The following CCAR2 variants were observed in gnomAD, a reference collection of about 807,000 sequenced individuals.
CCAR2 encodes the protein cell cycle and apoptosis regulator protein 2.
A neutral mutation model predicts 108.1 loss-of-function variants in CCAR2; 21 were observed. The observed-to-expected ratio is 0.19, with a 90% CI of 0.14 to 0.28. The LOEUF is 0.28. Ranked by LOEUF, CCAR2 falls within the 10% of genes least tolerant of loss-of-function variation. CCAR2 has a pLI of 1.00. For synonymous variants in CCAR2, 577 were observed against 472.8 expected, an observed-to-expected ratio of 1.22 and a Z score of -2.86; for missense variants, 1,126 against 1,177.0, an observed-to-expected ratio of 0.96 and a Z score of 0.63.
At chr8:22,616,896 TGGGGAGA>T (rs1801541124) in intron 14 of CCAR2, among the ~76,000 whole-genome samples, 6 of 33,050 alleles carry the variant, frequency 1.8e-4, no homozygotes, top group South Asian at 1.4e-3. Context: ...TTTTTTTTTT[TGGGGAGA>T]TGGAGTCTTG....
chr8:22,621,391 G>GT (rs763306549), downstream of CCAR2: 2 of 1,601,322 alleles, frequency 1.2e-6, no homozygotes, highest in Admixed American at 1.7e-5. Flanking sequence ...GGCTGACCAC[G>GT]TCACAGGAGT....
chr8:22,607,592 C>T (rs1268512093), intron 6 of CCAR2, among the ~76,000 whole-genome samples: 1 of 151,234 alleles, frequency 6.6e-6, no homozygotes, highest in East Asian at 1.9e-4. Context: ...CTCAGCTTCC[C>T]CCGTAGCTGG....
intron 7 of CCAR2, among the ~76,000 whole-genome samples, chr8:22,611,360 CAAAAA>C (rs533441943): frequency 3.0e-5 from 3 of 99,758 alleles, no homozygotes; most frequent in Admixed American, 1.1e-4. Flanking sequence ...GACTCTGTCT[CAAAAA>C]AAAAAAAAAA....
At chr8:22,608,855 CTTA>C (rs1233058135) in intron 7 of CCAR2, among the ~76,000 whole-genome samples, 1 of 152,126 alleles carries the variant, frequency 6.6e-6, no homozygotes, top group Non-Finnish European at 1.5e-5. Flanking sequence ...TGTGAGGAAC[CTTA>C]TTATACCCAT....
In CCAR2 at chr8:22,615,823, C is replaced by T; in HGVS notation, c.1519C>T (p.Pro507Ser). The change falls in exon 13 of 21, where the codon CCT becomes TCT. Residue 507 changes from proline to serine, a missense_variant. By Grantham distance (74) the Pro-to-Ser change is moderately conservative (BLOSUM62 -1). This residue lies in a region of CCAR2 where 1,013 missense variants were observed against 993.9 expected (regional missense o/e 1.02). Transcript: ENST00000308511. The part of the protein sequence containing the change: ...LPEAPPPPLE[P>S]AVIARPGCVN... ...AGAGGCCCCTCCACCCCCCCTAGAA[C>T]CTGCTGTCATCGCACGCCCTGGCTG... 2 of 1,614,036 alleles carry T rather than the reference C, an allele frequency of 1.2e-6. No individual in the cohort carries two copies. Among genetic ancestry groups the T allele is most frequent in the Admixed American group, 1.7e-5 (1 of 60,030 alleles).
chr8:22,605,678 C>G, intron 1 of CCAR2, 58 bp from the exon 2 acceptor site: 1 of 1,021,644 alleles, frequency 9.8e-7, no homozygotes, highest in Non-Finnish European at 1.5e-6. Flanking sequence ...TCCACTTTTC[C>G]GGGTATAGAT....
At position 22,612,784 on chromosome 8, in the gene CCAR2, C is replaced by T. The variant is rs186726768; in HGVS notation, c.585-233C>T. The T allele has an allele frequency of 1.1e-5, 4 of 354,718 alleles. No individual in the cohort carries two copies. The South Asian group carries it at 3.6e-4, about 32-fold the overall frequency. The allele number at this position is 354,718 out of a possible 1,614,324, so 22.0% of individuals were successfully genotyped here. On this transcript the variant is annotated intron_variant, in intron 7 of 20. Transcript: ENST00000308511. ...TTGTTTTTGCAGTAGCTGAGGCCTA[C>T]TGTGTATACAATGTTGCAGAGTGTG... is the stretch of plus-strand genomic sequence containing the variant.
At chr8:22,614,535 C>T (rs2117447231) in intron 10 of CCAR2, 32 bp downstream of exon 10, 3 of 1,566,516 alleles carry the variant, frequency 1.9e-6, no homozygotes, top group Middle Eastern at 1.7e-4. Context: ...GAGATGCATT[C>T]ACGGGTAATG....
chr8:22,617,322 C>A, intron 14 of CCAR2, 98 bp from the exon 15 acceptor site: 1 of 1,391,678 alleles, frequency 7.2e-7, no homozygotes, highest in Non-Finnish European at 9.7e-7. Flanking sequence ...CCATACAGTG[C>A]CTGGGGCATA....
Position 22,619,886 on chromosome 8 carries a change from C to CACTT in CCAR2, c.*206_*209dup, listed in dbSNP as rs1388168224. On this transcript the variant is annotated 3_prime_UTR_variant, in exon 21 of 21. Coordinates refer to ENST00000308511, the MANE Select transcript of CCAR2 (RefSeq NM_001393997.1). ...ATGGATGTGTGAGGAACCCCGGTTC[C>CACTT]ACTTAACAACTAAATACAACATCTT... 1.0e-5 allele frequency: 6 copies of CACTT among 593,000 alleles called. No homozygotes were observed. The highest frequency in any genetic ancestry group is 1.9e-5 in the African/African-American group (1 of 53,762). The allele number at this position is 593,000 out of a possible 1,614,324, so 36.7% of individuals were successfully genotyped here.
In CCAR2 at chr8:22,607,463, T is replaced by G; in HGVS notation, c.487+138T>G. 6 of 885,920 alleles carry G rather than the reference T, an allele frequency of 6.8e-6. No individual in the cohort carries two copies. In the South Asian group the frequency reaches 1.2e-4, roughly 18 times the overall value. 54.9% of individuals were successfully genotyped at this position (885,920 alleles called of 1,614,324 possible). A position where few individuals can be genotyped will look rare whatever the true frequency, so the allele number is the denominator to read the frequency against. ...AAGGTGGGCAATCTGGATAGGTGTT[T>G]AGGGTTTTTTTTTTTTTTTTTTTTG... On this transcript the variant is annotated intron_variant, in intron 6 of 20. Transcript: ENST00000308511.
At chr8:22,610,159 G>T (rs752504289) in intron 7 of CCAR2, among the ~76,000 whole-genome samples, 4 of 152,164 alleles carry the variant, frequency 2.6e-5, no homozygotes, top group Non-Finnish European at 4.4e-5. Flanking sequence ...ATTACCATTC[G>T]TCAGTAGAGA....
intron 7 of CCAR2, among the ~76,000 whole-genome samples, chr8:22,611,388 A>ATGTGACATGTG (rs1554559975): frequency 7.8e-6 from 1 of 128,478 alleles, no homozygotes; most frequent in Non-Finnish European, 1.6e-5. Flanking sequence ...AAGTATATAT[A>ATGTGACATGTG]TGTGTGTGTG....
rs200118469 is a variant in CCAR2 at position 22,616,101 on chromosome 8, G to C, written c.1698G>C (p.Lys566Asn). Reference protein sequence around the residue: ...VYKMLLSLPEKVVSPPEPEKE... With the variant: ...VYKMLLSLPENVVSPPEPEKE... ...AGATGCTACTGAGCCTTCCTGAAAA[G>C]GTCGTGTCCCCACCTGAACCTGAGA... Residue 566 changes from lysine (K) to asparagine (N), a missense_variant, in exon 14 of 21, where the codon AAG becomes AAC. Lys to Asn is a moderately conservative substitution (Grantham distance 94). Around this residue, in one of 4 missense-constraint regions of CCAR2, gnomAD observed 1,013 missense variants for 993.9 expected, o/e 1.02. Transcript: ENST00000308511. 311 of 1,614,042 alleles carry C rather than the reference G, an allele frequency of 1.9e-4. 4 individuals carry two copies. The highest frequency in any genetic ancestry group is 1.9e-3 in the South Asian group (171 of 91,078).
intron 6 of CCAR2, among the ~76,000 whole-genome samples, chr8:22,607,726 A>C (rs945280410): frequency 2.4e-4 from 36 of 151,558 alleles, no homozygotes; most frequent in Admixed American, 1.8e-3. Context: ...CTGGGTTCAC[A>C]CCATTCTCCT....
At position 22,618,630 on chromosome 8, in the gene CCAR2, TCAG is replaced by T; in HGVS notation, c.2238_2240del (p.Ser746del). The T allele has an allele frequency of 6.2e-7, 1 of 1,614,070 alleles. No individual in the cohort carries two copies. The highest frequency in any genetic ancestry group is 8.5e-7 in the Non-Finnish European group (1 of 1,180,028). ...TGTTTTCTGCAGGCCAAGCAGCTGG[TCAG>T]CAGGGTGGTGACCCAGAACATCTGC... On this transcript the variant is annotated inframe_deletion, in exon 18 of 21. Coordinates refer to ENST00000308511, the MANE Select transcript of CCAR2 (RefSeq NM_001393997.1).
intron 10 of CCAR2, 92 bp from the exon 11 acceptor site, chr8:22,614,746 T>A: frequency 6.4e-7 from 1 of 1,558,746 alleles, no homozygotes; most frequent in Non-Finnish European, 8.8e-7. Context: ...CACTTCCGGC[T>A]GCCTTCATCC....
chr8:22,621,226 G>C, downstream of CCAR2: 1 of 660,758 alleles, frequency 1.5e-6, no homozygotes, highest in Non-Finnish European at 2.5e-6. Flanking sequence ...TACCTGCTGG[G>C]GCTGTGAGTG....
chr8:22,616,866 CTTTTTTTTT>C (rs36086286), intron 14 of CCAR2, among the ~76,000 whole-genome samples: 1 of 54,732 alleles, frequency 1.8e-5, no homozygotes, highest in Non-Finnish European at 3.6e-5. Context: ...TACTAGTCTG[CTTTTTTTTT>C]TTTTTTTTTT....
Sources: allele counts gnomAD v4.1 joint callset (sites outside exome capture counted in the v4.1 genomes callset), GRCh38; gene constraint gnomAD v4.1.1; regional missense constraint gnomAD v4.1.1; transcripts MANE v1.5; gene names NCBI Gene and HGNC (gene_info 2026-07-23, HGNC 2026-07-21).